The following ANKFN1 variants were observed in gnomAD, a reference collection of about 807,000 sequenced individuals.
ANKFN1 encodes the protein ankyrin repeat and fibronectin type III domain containing 1.
A neutral mutation model predicts 108.7 loss-of-function variants in ANKFN1; 74 were observed. The observed-to-expected ratio is 0.68, with a 90% CI of 0.56 to 0.83. The LOEUF (loss-of-function observed/expected upper bound fraction) is 0.83, where lower values mean the gene tolerates loss of function less well. ANKFN1 is among the 40% of genes least tolerant of loss of function. The probability of loss-of-function intolerance (pLI) is 0.00; values close to 1 mark genes in which losing one functional copy is unlikely to be tolerated. For missense variants in ANKFN1, 1,505 were observed against 1,382.3 expected (o/e 1.09, Z -1.41); for synonymous variants, 547 against 516.2 (o/e 1.06, Z -0.81).
At chr17:56,426,190 A>C (rs553091417) in intron 8 of ANKFN1, among the ~76,000 whole-genome samples, 1 of 152,348 alleles carries the variant, frequency 6.6e-6, no homozygotes, top group East Asian at 1.9e-4. Context: ...ATCCTGGTCA[A>C]TGACCTTCCT....
chr17:56,224,845 A>C (rs953041925), intron 2 of ANKFN1: 3 of 152,320 alleles, frequency 2.0e-5, no homozygotes, highest in African/African-American at 7.2e-5. Context: ...AATGTGTCCA[A>C]GGGCTTCGGT....
At chr17:56,322,208 C>T (rs1238190874) in intron 3 of ANKFN1, among the ~76,000 whole-genome samples, 1 of 152,164 alleles carries the variant, frequency 6.6e-6, no homozygotes, top group Non-Finnish European at 1.5e-5. Flanking sequence ...AAATTAATGT[C>T]ATCATCATCC....
rs76316159 is a variant in ANKFN1, at chr17:56,154,456, C to T, written c.-71+926C>T. 9.7e-3 allele frequency among the ~76,000 whole-genome samples: 1,476 copies of T among 152,048 alleles called. 18 individuals are homozygous for T. Among genetic ancestry groups the T allele is most frequent in the African/African-American group, 0.033 (1,372 of 41,460 alleles). On this transcript the variant is annotated intron_variant, in intron 1 of 20. Coordinates refer to ENST00000682825, the MANE Select transcript of ANKFN1 (RefSeq NM_001370326.1). ...GCATGAAAGGAGGAGGCCAGAGCAC[C>T]GTTCAGTTTTCCTTTCCTTTTCTCT...
At chr17:56,264,127 T>C (rs2043590250) in intron 3 of ANKFN1, among the ~76,000 whole-genome samples, 1 of 152,144 alleles carries the variant, frequency 6.6e-6, no homozygotes, top group Admixed American at 6.5e-5. Flanking sequence ...GACAGAAAGA[T>C]GCCATGGAAC....
rs769078935 is a variant in ANKFN1, at chr17:56,457,842, A to G, written c.1441-21A>G. ...ATGTACTGGCTTGGACGATGACATG[A>G]TTGCATGCCTTCTTTTGCAGCTGTC... On this transcript the variant is annotated intron_variant, in intron 13 of 20. Transcript: ENST00000682825. 2.6e-5 allele frequency: 41 copies of G among 1,577,138 alleles called. 1 individual carries two copies. Among genetic ancestry groups the G allele is most frequent in the Non-Finnish European group, 3.4e-5 (39 of 1,147,580 alleles).
At position 56,511,054 on chromosome 17, in the gene ANKFN1, C is replaced by T; in HGVS notation, c.3226C>T (p.Arg1076Trp). ...CCACGCTGCCAGCCTTCCTGAGGAG[C>T]GGAACAGCAGTCTCCAGGACGCGAG... Reference protein sequence around the residue: ...LAHAASLPEERNSSLQDARPS... With the variant: ...LAHAASLPEEWNSSLQDARPS... Residue 1076 changes from arginine to tryptophan, a missense_variant, in exon 21 of 21, where the codon CGG becomes TGG. By Grantham distance (101) the Arg-to-Trp change is moderately radical. Coordinates refer to ENST00000682825, the MANE Select transcript of ANKFN1 (RefSeq NM_001370326.1). 4 of 1,536,008 alleles carry T rather than the reference C, an allele frequency of 2.6e-6. No homozygotes were observed. Among genetic ancestry groups the T allele is most frequent in the African/African-American group, 1.4e-5 (1 of 73,184 alleles).
chr17:56,184,111 T>C (rs1335691602), intron 1 of ANKFN1, among the ~76,000 whole-genome samples: 6 of 152,312 alleles, frequency 3.9e-5, no homozygotes, highest in Admixed American at 3.3e-4. Flanking sequence ...TTTGAGAGGA[T>C]TGACTCTTAT....
intron 4 of ANKFN1, among the ~76,000 whole-genome samples, chr17:56,123,145 C>T (rs9900114): frequency 6.6e-6 from 1 of 152,158 alleles, no homozygotes; most frequent in Non-Finnish European, 1.5e-5. Flanking sequence ...GTAACGTGCT[C>T]AAGGTCACAC....
chr17:56,322,065 A>G (rs2045384660), intron 3 of ANKFN1, among the ~76,000 whole-genome samples: 1 of 152,198 alleles, frequency 6.6e-6, no homozygotes, highest in Non-Finnish European at 1.5e-5. Flanking sequence ...GGTTCTTCAA[A>G]GCATTCTATG....
intron 4 of ANKFN1, among the ~76,000 whole-genome samples, chr17:56,348,905 C>T (rs1373846050): frequency 2.0e-5 from 3 of 152,132 alleles, no homozygotes; most frequent in Non-Finnish European, 2.9e-5. Context: ...ATAAACCATT[C>T]TATTATAAAG....
intron 10 of ANKFN1, among the ~76,000 whole-genome samples, chr17:56,444,317 C>T (rs2049210494): frequency 1.3e-5 from 2 of 152,066 alleles, no homozygotes; most frequent in African/African-American, 4.8e-5. Context: ...TAGGTTTGTA[C>T]ATGATTAGAT....
chr17:56,327,320 A>C (rs1282940850), intron 4 of ANKFN1, among the ~76,000 whole-genome samples: 1 of 152,092 alleles, frequency 6.6e-6, no homozygotes, highest in Non-Finnish European at 1.5e-5. Flanking sequence ...TTATGGCAGC[A>C]TCAATCCATC....
chr17:56,311,167 T>G (rs200541971), intron 3 of ANKFN1, among the ~76,000 whole-genome samples: 6 of 147,606 alleles, frequency 4.1e-5, no homozygotes, highest in African/African-American at 7.5e-5. Context: ...TCTCGTGTGT[T>G]TGTGTGTGTG....
intron 8 of ANKFN1, among the ~76,000 whole-genome samples, chr17:56,418,500 T>C (rs895219206): frequency 2.0e-5 from 3 of 152,182 alleles, no homozygotes; most frequent in African/African-American, 7.2e-5. Flanking sequence ...GAAGTTTTGC[T>C]TAAGATGGCA....
At chr17:56,485,216 A>T (rs1371635138) in intron 18 of ANKFN1, among the ~76,000 whole-genome samples, 1 of 152,234 alleles carries the variant, frequency 6.6e-6, no homozygotes, top group African/African-American at 2.4e-5. Context: ...ATAACAAACC[A>T]ATCAATAAAC....
At chr17:56,056,712 A>G (rs1484705947) in intron 4 of ANKFN1, among the ~76,000 whole-genome samples, 1 of 152,262 alleles carries the variant, frequency 6.6e-6, no homozygotes, top group Non-Finnish European at 1.5e-5. Flanking sequence ...ACCTGAAACT[A>G]TAAAAATCCT....
intron 20 of ANKFN1, among the ~76,000 whole-genome samples, chr17:56,509,704 G>A (rs975052449): frequency 6.6e-6 from 1 of 152,202 alleles, no homozygotes; most frequent in Non-Finnish European, 1.5e-5. Context: ...ATCTTGCCCT[G>A]CCAATTAAGA....
intron 7 of ANKFN1, among the ~76,000 whole-genome samples, chr17:56,373,295 C>T (rs1371676258): frequency 6.6e-6 from 1 of 152,250 alleles, no homozygotes; most frequent in Non-Finnish European, 1.5e-5. Flanking sequence ...CTTCAGTTAA[C>T]ACAGGCAACC....
intron 18 of ANKFN1, among the ~76,000 whole-genome samples, chr17:56,488,429 G>A (rs184822062): frequency 2.4e-4 from 37 of 152,270 alleles, no homozygotes; most frequent in Non-Finnish European, 2.6e-4. Flanking sequence ...CTACTGAAAT[G>A]GGCCATAGGA....
Sources: gnomAD v4.1 joint callset for allele counts (sites outside exome capture counted in the v4.1 genomes callset) on GRCh38, gnomAD v4.1.1 for gene constraint, MANE v1.5 for transcripts, NCBI Gene and HGNC (gene_info 2026-07-23, HGNC 2026-07-21) for gene names.